The following ZDHHC2 variants were observed in gnomAD, a reference collection of about 807,000 sequenced individuals.
ZDHHC2 encodes the protein palmitoyltransferase ZDHHC2.
In ZDHHC2, 51 loss-of-function variants were observed where a neutral mutation model predicts 55.6. The ratio of observed to expected loss-of-function variants is 0.92; its 90% CI spans 0.73 to 1.16. The LOEUF (loss-of-function observed/expected upper bound fraction) is 1.16. Ranked by LOEUF, ZDHHC2 falls within the 50% of genes most tolerant of loss-of-function variation. ZDHHC2 has a pLI of 0.00. For synonymous variants in ZDHHC2, 199 were observed against 152.9 expected, an observed-to-expected ratio of 1.30 and a Z score of -2.22; for missense variants, 491 against 442.4, an observed-to-expected ratio of 1.11 and a Z score of -0.99.
intron 1 of ZDHHC2, among the ~76,000 whole-genome samples, chr8:17,180,909 G>A (rs1805399236): frequency 6.6e-6 from 1 of 152,226 alleles, no homozygotes; most frequent in South Asian, 2.1e-4. Context: ...TGAACTTATA[G>A]ACCCTGTCTG....
intron 1 of ZDHHC2, among the ~76,000 whole-genome samples, chr8:17,169,942 A>G (rs934003189): frequency 6.6e-6 from 1 of 152,154 alleles, no homozygotes; most frequent in South Asian, 2.1e-4. Context: ...CACTATTACA[A>G]TATGTTGTGT....
intron 3 of ZDHHC2, among the ~76,000 whole-genome samples, chr8:17,187,923 CTG>C (rs2150910497): frequency 6.6e-6 from 1 of 152,346 alleles, no homozygotes; most frequent in East Asian, 1.9e-4. Flanking sequence ...CTTCCCCAGA[CTG>C]TGAGTCATCT....
At chr8:17,173,650 C>G (rs1388411746) in intron 1 of ZDHHC2, among the ~76,000 whole-genome samples, 1 of 150,414 alleles carries the variant, frequency 6.6e-6, no homozygotes, top group African/African-American at 2.4e-5. Flanking sequence ...CCACTGCATT[C>G]CAGCTTGAGA....
chr8:17,219,746 C>T (rs1563174000), intron 12 of ZDHHC2, among the ~76,000 whole-genome samples: 1 of 152,166 alleles, frequency 6.6e-6, no homozygotes, highest in Non-Finnish European at 1.5e-5. Flanking sequence ...CATCACTGCA[C>T]TCCAGCCTGG....
chr8:17,169,410 C>G (rs1411531643), intron 1 of ZDHHC2, among the ~76,000 whole-genome samples: 1 of 152,074 alleles, frequency 6.6e-6, no homozygotes, highest in East Asian at 1.9e-4. Context: ...TCGAGGGCCT[C>G]TAGCTTACTG....
chr8:17,176,863 A>G (rs532538414), intron 1 of ZDHHC2, among the ~76,000 whole-genome samples: 87 of 152,256 alleles, frequency 5.7e-4, no homozygotes, highest in African/African-American at 2.0e-3. Context: ...AAAAAATATA[A>G]TATGTAAAAA....
chr8:17,199,580 T>A (rs887974869), intron 6 of ZDHHC2, among the ~76,000 whole-genome samples: 8 of 111,354 alleles, frequency 7.2e-5, no homozygotes, highest in South Asian at 3.4e-4. Context: ...CTTTGTCTTC[T>A]TCTTCTTCTT....
At chr8:17,164,668 T>C (rs1804517035) in intron 1 of ZDHHC2, among the ~76,000 whole-genome samples, 1 of 152,192 alleles carries the variant, frequency 6.6e-6, no homozygotes, top group South Asian at 2.1e-4. Context: ...TTCTAGGTAG[T>C]TGTCTATCTT....
In ZDHHC2 at chr8:17,172,687, C is replaced by G. The variant is rs546248605; in HGVS notation, c.131-12102C>G. Among the ~76,000 whole-genome samples, 9 of 152,246 alleles carry G rather than the reference C, an allele frequency of 5.9e-5. No individual in the cohort carries two copies. In the South Asian group the frequency reaches 1.7e-3, roughly 28 times the overall value. ...TTAAGAGCTACCAACCAGGAGAGAT[C>G]CATATTCTGTCTCTCTTAATGTCAG... On this transcript the variant is annotated intron_variant, in intron 1 of 12. Transcript: ENST00000262096.
rs937552032 is a variant in ZDHHC2 at position 17,197,942 on chromosome 8, T to C, written c.443+291T>C. On this transcript the variant is annotated intron_variant, in intron 5 of 12. Transcript: ENST00000262096. ...TACTTCTATGAGTGTTTTCCATTTT[T>C]ATAAAGAGAACTCAGTTGACTTCAG... is the stretch of plus-strand genomic sequence containing the variant. Among the ~76,000 whole-genome samples the C allele has an allele frequency of 2.6e-5, 4 of 152,354 alleles. No homozygotes were observed. The East Asian group carries it at 5.8e-4, about 22-fold the overall frequency.
intron 4 of ZDHHC2, 149 bp downstream of exon 4, chr8:17,195,773 G>T (rs1806274951): frequency 2.7e-6 from 3 of 1,115,192 alleles, no homozygotes; most frequent in Middle Eastern, 2.6e-4. Flanking sequence ...TCTTTCCTGT[G>T]TGATTCCATA....
chr8:17,199,533 T>TCTTCGTCTTC (rs773429262), intron 6 of ZDHHC2, among the ~76,000 whole-genome samples: 2,271 of 30,900 alleles, frequency 0.073, 149 homozygotes, highest in African/African-American at 0.22. Flanking sequence ...CTTCGTCTTC[T>TCTTCGTCTTC]GTCTTCGTCT....
At chr8:17,212,417 C>T (rs1158108404) in intron 10 of ZDHHC2, among the ~76,000 whole-genome samples, 1 of 152,174 alleles carries the variant, frequency 6.6e-6, no homozygotes. Context: ...GTATTAGTGA[C>T]CTCCATTCTC....
In ZDHHC2 at chr8:17,215,350, G is replaced by C; in HGVS notation, c.1063+1G>C. On this transcript the variant is annotated splice_donor_variant, in intron 11 of 12. Coordinates refer to ENST00000262096, the MANE Select transcript of ZDHHC2 (RefSeq NM_016353.5). LOFTEE classifies it high-confidence loss of function. ...ATAAACCCAGGAAAATGCAAAGCTG[G>C]TAAGGGTGTGCTTGTTTGGCTGTTT... 3 of 1,571,364 alleles carry C rather than the reference G, an allele frequency of 1.9e-6. No individual in the cohort carries two copies. The highest frequency in any genetic ancestry group is 2.6e-6 in the Non-Finnish European group (3 of 1,157,330).
chr8:17,173,681 T>TAAA (rs58195776), intron 1 of ZDHHC2, among the ~76,000 whole-genome samples: 1 of 143,402 alleles, frequency 7.0e-6, no homozygotes, highest in Non-Finnish European at 1.5e-5. Flanking sequence ...GACCCTGTCT[T>TAAA]AAAAAAAAAA....
chr8:17,180,680 A>G (rs925863064), intron 1 of ZDHHC2, among the ~76,000 whole-genome samples: 1 of 152,240 alleles, frequency 6.6e-6, no homozygotes, highest in Non-Finnish European at 1.5e-5. Flanking sequence ...CTACTGCTGC[A>G]GCAATCACCC....
intron 6 of ZDHHC2, among the ~76,000 whole-genome samples, chr8:17,204,529 C>G (rs747981652): frequency 2.6e-5 from 4 of 152,154 alleles, no homozygotes; most frequent in Admixed American, 2.6e-4. Flanking sequence ...CAGTAGTGCC[C>G]TTGTCTTTAT....
At chr8:17,183,796 C>T (rs1251850705) in intron 1 of ZDHHC2, among the ~76,000 whole-genome samples, 1 of 152,126 alleles carries the variant, frequency 6.6e-6, no homozygotes, top group Non-Finnish European at 1.5e-5. Flanking sequence ...GGCAATCCAA[C>T]AGTGGAACGG....
intron 1 of ZDHHC2, among the ~76,000 whole-genome samples, chr8:17,177,796 G>A (rs889609343): frequency 2.6e-5 from 4 of 151,618 alleles, no homozygotes; most frequent in African/African-American, 9.7e-5. Context: ...GGGGGTGGGG[G>A]GCGGTATTCT....
Sources: gnomAD v4.1 joint callset for allele counts (sites outside exome capture counted in the v4.1 genomes callset) on GRCh38, gnomAD v4.1.1 for gene constraint, MANE v1.5 for transcripts, NCBI Gene and HGNC (gene_info 2026-07-23, HGNC 2026-07-21) for gene names.